The following MPP7 variants were observed in gnomAD, a reference collection of about 807,000 sequenced individuals.
MPP7 encodes the protein MAGUK p55 subfamily member 7.
MPP7 carries 60 observed loss-of-function variants against 76.5 expected under a neutral mutation model. That is an observed-to-expected ratio of 0.78 (90% CI 0.64 to 0.97). MPP7 has a LOEUF of 0.97. MPP7 is among the 50% of genes least tolerant of loss of function. The pLI is 0.00. For missense variants in MPP7, 641 were observed against 694.0 expected, an observed-to-expected ratio of 0.92 and a Z score of 0.86; for synonymous variants, 237 against 244.5, an observed-to-expected ratio of 0.97 and a Z score of 0.29.
chr10:28,270,855 C>T (rs866964024), intron 1 of MPP7, among the ~76,000 whole-genome samples: 21 of 152,058 alleles, frequency 1.4e-4, no homozygotes, highest in Non-Finnish European at 2.8e-4. Flanking sequence ...TTTGAAATAG[C>T]GCATGTTGCC....
chr10:28,241,651 C>A (rs1297311351), intron 1 of MPP7, among the ~76,000 whole-genome samples: 1 of 152,018 alleles, frequency 6.6e-6, no homozygotes, highest in Admixed American at 6.6e-5. Context: ...TAAAGTATGT[C>A]CTAAGAGGGA....
chr10:28,332,946 AGCCACCGT>A (rs1242446777), intron 1 of MPP7, among the ~76,000 whole-genome samples: 9 of 152,082 alleles, frequency 5.9e-5, no homozygotes, highest in African/African-American at 2.2e-4. Flanking sequence ...TACAGGCATG[AGCCACCGT>A]GCCTGGCCCT....
intron 1 of MPP7, among the ~76,000 whole-genome samples, chr10:28,281,278 G>A (rs1252943081): frequency 6.6e-6 from 1 of 151,936 alleles, no homozygotes; most frequent in African/African-American, 2.4e-5. Flanking sequence ...TAGTAGAGAT[G>A]GAGTTTTGCC....
chr10:28,100,939 G>A (rs925796924), intron 11 of MPP7, among the ~76,000 whole-genome samples: 18 of 152,008 alleles, frequency 1.2e-4, no homozygotes, highest in African/African-American at 3.4e-4. Flanking sequence ...TTTGTAAGCC[G>A]GCTAATAAAG....
chr10:28,092,997 A>C (rs1853392610), intron 11 of MPP7, among the ~76,000 whole-genome samples: 1 of 152,102 alleles, frequency 6.6e-6, no homozygotes, highest in Admixed American at 6.5e-5. Flanking sequence ...TGCAGAATTT[A>C]GTTATCCCAA....
At chr10:28,292,034 T>C (rs967124835) in intron 1 of MPP7, among the ~76,000 whole-genome samples, 1 of 152,164 alleles carries the variant, frequency 6.6e-6, no homozygotes. Context: ...AGGTGGACCA[T>C]GTTTAATCTT....
chr10:28,108,860 G>A (rs1477870211), intron 11 of MPP7, among the ~76,000 whole-genome samples: 3 of 152,000 alleles, frequency 2.0e-5, no homozygotes, highest in South Asian at 2.1e-4. Flanking sequence ...AACAACCCTC[G>A]GCATCTCCAA....
intron 11 of MPP7, among the ~76,000 whole-genome samples, chr10:28,093,451 T>TC (rs1184542440): frequency 6.6e-6 from 1 of 151,398 alleles, no homozygotes; most frequent in African/African-American, 2.4e-5. Flanking sequence ...TCCTTTTTTT[T>TC]TTTTTTTTTC....
chr10:28,093,930 G>T (rs1432794583), intron 11 of MPP7, among the ~76,000 whole-genome samples: 4 of 152,186 alleles, frequency 2.6e-5, no homozygotes, highest in Admixed American at 1.3e-4. Flanking sequence ...CTGAATGGAA[G>T]TAATTTTAAA....
intron 1 of MPP7, among the ~76,000 whole-genome samples, chr10:28,241,947 T>G (rs1043038534): frequency 1.2e-4 from 18 of 152,098 alleles, no homozygotes; most frequent in Admixed American, 7.2e-4. Context: ...TTCTACCCAC[T>G]CTGGGTAACT....
chr10:28,217,303 T>C (rs779939918), intron 2 of MPP7, among the ~76,000 whole-genome samples: 12 of 151,624 alleles, frequency 7.9e-5, no homozygotes, highest in Non-Finnish European at 1.5e-4. Context: ...CCAAGGCAGG[T>C]GGATTGCTTG....
intron 2 of MPP7, among the ~76,000 whole-genome samples, chr10:28,219,058 A>T (rs966204730): frequency 6.6e-5 from 10 of 152,236 alleles, no homozygotes; most frequent in African/African-American, 2.4e-4. Context: ...ATGATGACAA[A>T]GTACGGAGCA....
chr10:28,072,373 C>A (rs1475586037), intron 12 of MPP7, among the ~76,000 whole-genome samples: 2 of 145,892 alleles, frequency 1.4e-5, no homozygotes, highest in African/African-American at 5.6e-5. Context: ...GCTGCATCAT[C>A]TCCTCAGTCC....
intron 2 of MPP7, among the ~76,000 whole-genome samples, chr10:28,327,478 C>G (rs1834427980): frequency 6.6e-6 from 1 of 151,898 alleles, no homozygotes; most frequent in Non-Finnish European, 1.5e-5. Flanking sequence ...AATTCGTGGA[C>G]TAATAGGAAG....
In MPP7 at chr10:28,098,316, G is replaced by GA. The variant is rs1041536892; in HGVS notation, c.953-8476dup. ...GAAATGCATTTCATACAATAAATGGGAAAAAAAAGACAGGATACAATCATC... is the reference window on the plus strand; with the variant it reads ...GAAATGCATTTCATACAATAAATGGGAAAAAAAAAGACAGGATACAATCATC... On this transcript the variant is annotated intron_variant, in intron 11 of 16. Coordinates refer to ENST00000683449, the MANE Select transcript of MPP7 (RefSeq NM_001318170.2). Among the ~76,000 whole-genome samples the GA allele has an allele frequency of 4.0e-5, 6 of 150,556 alleles. No homozygotes were observed. The South Asian group carries it at 6.3e-4, about 16-fold the overall frequency.
Position 28,293,675 on chromosome 10 carries a change from C to G in MPP7, c.-132+9186G>C, listed in dbSNP as rs571256333. On this transcript the variant is annotated intron_variant, in intron 1 of 16. Transcript: ENST00000683449. Reference sequence around the variant, plus strand: ...CCGAGCCCCTGAGCTGGGGAGGGAGCGGAGCGGGGCAGCTCCGCGTCACAG... The same window carrying G: ...CCGAGCCCCTGAGCTGGGGAGGGAGGGGAGCGGGGCAGCTCCGCGTCACAG... 4.6e-5 allele frequency among the ~76,000 whole-genome samples: 7 copies of G among 152,262 alleles called. No homozygotes were observed. The South Asian group carries it at 1.5e-3, about 32-fold the overall frequency.
chr10:28,271,378 C>T (rs1364837539), intron 1 of MPP7, among the ~76,000 whole-genome samples: 1 of 152,286 alleles, frequency 6.6e-6, no homozygotes, highest in Admixed American at 6.5e-5. Context: ...AATATCACAC[C>T]AGCTAAAAAT....
chr10:28,091,154 A>G (rs1445211016), intron 11 of MPP7, among the ~76,000 whole-genome samples: 1 of 152,186 alleles, frequency 6.6e-6, no homozygotes, highest in East Asian at 1.9e-4. Flanking sequence ...TTCAAAAACA[A>G]AACAAAACAA....
At chr10:28,133,782 T>C (rs935649195) in intron 5 of MPP7, among the ~76,000 whole-genome samples, 20 of 152,146 alleles carry the variant, frequency 1.3e-4, no homozygotes, top group Non-Finnish European at 2.9e-4. Context: ...AAAGTGGCGA[T>C]CTTTCCCTTT....
Sources: allele counts gnomAD v4.1 joint callset (sites outside exome capture counted in the v4.1 genomes callset), GRCh38; gene constraint gnomAD v4.1.1; transcripts MANE v1.5; gene names NCBI Gene and HGNC (gene_info 2026-07-23, HGNC 2026-07-21).